The following SBF2 variants were observed in gnomAD, a reference collection of about 807,000 sequenced individuals.
The protein encoded by SBF2 is myotubularin-related protein 13.
In SBF2, 112 loss-of-function variants were observed where a neutral mutation model predicts 225.2. The ratio of observed to expected loss-of-function variants is 0.50; its 90% CI spans 0.43 to 0.58. The LOEUF (loss-of-function observed/expected upper bound fraction) is 0.58. Ranked by LOEUF, SBF2 falls within the 20% of genes least tolerant of loss-of-function variation. The pLI, the probability that SBF2 is intolerant of heterozygous loss-of-function variation, is 0.00. For missense variants in SBF2, 1,996 were observed against 2,206.2 expected, an observed-to-expected ratio of 0.90 and a Z score of 1.91; for synonymous variants, 763 against 773.3, an observed-to-expected ratio of 0.99 and a Z score of 0.22.
intron 33 of SBF2, among the ~76,000 whole-genome samples, chr11:9,794,287 C>G (rs887292534): frequency 6.6e-6 from 1 of 152,144 alleles, no homozygotes; most frequent in African/African-American, 2.4e-5. Flanking sequence ...GAGGCAAATA[C>G]CTGCGTTTTA....
At chr11:9,910,871 A>C (rs2896501) in intron 16 of SBF2, among the ~76,000 whole-genome samples, 139,942 of 139,960 alleles carry the variant, frequency 1, 69,962 homozygotes, top group Middle Eastern at 1. Context: ...CATGGTGAAA[A>C]CTTGTCTCTA....
intron 2 of SBF2, among the ~76,000 whole-genome samples, chr11:10,087,253 T>A (rs574613498): frequency 2.0e-5 from 3 of 152,324 alleles, no homozygotes; most frequent in African/African-American, 4.8e-5. Context: ...TGCTTTTCAA[T>A]CTGAAGTTCC....
intron 2 of SBF2, among the ~76,000 whole-genome samples, chr11:10,147,486 C>T (rs1223041401): frequency 2.0e-5 from 3 of 152,100 alleles, no homozygotes; most frequent in Admixed American, 1.3e-4. Context: ...CCAAATACTG[C>T]ATGTTCTCAC....
At chr11:9,939,916 T>A (rs960782540) in intron 16 of SBF2, among the ~76,000 whole-genome samples, 1 of 152,208 alleles carries the variant, frequency 6.6e-6, no homozygotes. Context: ...TATGTGGAAA[T>A]GTCAAGAGTG....
At chr11:9,842,546 T>A in intron 25 of SBF2, 79 bp downstream of exon 25, 1 of 1,442,496 alleles carries the variant, frequency 6.9e-7, no homozygotes, top group South Asian at 1.1e-5. Context: ...AATCAAGATG[T>A]AAGTGCAACT....
intron 2 of SBF2, among the ~76,000 whole-genome samples, chr11:10,061,238 C>T (rs1950432472): frequency 6.6e-6 from 1 of 152,068 alleles, no homozygotes; most frequent in South Asian, 2.1e-4. Context: ...AAACTCACAG[C>T]CCACATTATA....
chr11:10,100,485 T>C (rs1052015761), intron 2 of SBF2, among the ~76,000 whole-genome samples: 2 of 152,204 alleles, frequency 1.3e-5, no homozygotes, highest in Non-Finnish European at 2.9e-5. Flanking sequence ...GCCAATCCAA[T>C]GTGCATGAAT....
chr11:10,232,726 G>C (rs1565382795), intron 1 of SBF2, among the ~76,000 whole-genome samples: 1 of 151,898 alleles, frequency 6.6e-6, no homozygotes, highest in East Asian at 1.9e-4. Flanking sequence ...ATTGTGACCA[G>C]TTTAGAACTT....
At chr11:10,084,917 T>C (rs1415320607) in intron 2 of SBF2, among the ~76,000 whole-genome samples, 1 of 152,138 alleles carries the variant, frequency 6.6e-6, no homozygotes, top group Non-Finnish European at 1.5e-5. Flanking sequence ...ATATATATAG[T>C]GGAGACTCAG....
chr11:10,186,063 C>T (rs1956924679), intron 2 of SBF2, among the ~76,000 whole-genome samples: 1 of 152,094 alleles, frequency 6.6e-6, no homozygotes, highest in Non-Finnish European at 1.5e-5. Context: ...TTTAATCTTC[C>T]AGGCTATTTG....
chr11:9,913,550 C>T (rs1376142162), intron 16 of SBF2, among the ~76,000 whole-genome samples: 1 of 151,652 alleles, frequency 6.6e-6, no homozygotes, highest in Non-Finnish European at 1.5e-5. Flanking sequence ...AATTCCATTC[C>T]TAGGTATATA....
chr11:9,843,546 A>T (rs1389398543), intron 24 of SBF2, among the ~76,000 whole-genome samples: 1 of 152,216 alleles, frequency 6.6e-6, no homozygotes, highest in Non-Finnish European at 1.5e-5. Context: ...AATCAGATGG[A>T]GGTGAAGACT....
chr11:10,140,861 A>C (rs1490923724), intron 2 of SBF2, among the ~76,000 whole-genome samples: 2 of 152,194 alleles, frequency 1.3e-5, no homozygotes, highest in Non-Finnish European at 2.9e-5. Context: ...AAATTGGTTG[A>C]TGTGGGAAAA....
intron 2 of SBF2, among the ~76,000 whole-genome samples, chr11:10,070,295 A>T (rs1418607825): frequency 2.6e-5 from 4 of 152,308 alleles, no homozygotes; most frequent in South Asian, 2.1e-4. Context: ...TTTTATGTCT[A>T]ACATTTAAGT....
intron 17 of SBF2, among the ~76,000 whole-genome samples, chr11:9,892,294 T>C (rs1432979493): frequency 4.6e-5 from 7 of 151,980 alleles, no homozygotes; most frequent in Non-Finnish European, 8.8e-5. Flanking sequence ...GATTTTTGTA[T>C]TTTTAGTAGA....
chr11:10,291,685 C>G (rs1255224896), intron 1 of SBF2, among the ~76,000 whole-genome samples: 1 of 151,740 alleles, frequency 6.6e-6, no homozygotes, highest in African/African-American at 2.4e-5. Flanking sequence ...CACACACACA[C>G]ACACACACAC....
At chr11:10,158,889 T>C (rs1008963980) in intron 2 of SBF2, among the ~76,000 whole-genome samples, 1 of 152,176 alleles carries the variant, frequency 6.6e-6, no homozygotes, top group Admixed American at 6.5e-5. Context: ...ACAGAATCAG[T>C]ATCACATGAT....
At chr11:9,848,189 A>C (rs1856689607) in intron 22 of SBF2, among the ~76,000 whole-genome samples, 1 of 152,194 alleles carries the variant, frequency 6.6e-6, no homozygotes, top group Non-Finnish European at 1.5e-5. Context: ...TGGATCTATC[A>C]ATCTGTAATC....
chr11:9,941,939 T>A (rs181732806), intron 16 of SBF2, among the ~76,000 whole-genome samples: 15 of 152,330 alleles, frequency 9.8e-5, no homozygotes, highest in Non-Finnish European at 2.1e-4. Flanking sequence ...ATAAGTTTAC[T>A]GTATTTCTAT....
Sources: allele counts gnomAD v4.1 joint callset (sites outside exome capture counted in the v4.1 genomes callset), GRCh38; gene constraint gnomAD v4.1.1; transcripts MANE v1.5; gene names NCBI Gene and HGNC (gene_info 2026-07-23, HGNC 2026-07-21).